Variants in PRR14L observed in about 807,000 individuals in gnomAD.
PRR14L encodes protein PRR14L.
PRR14L carries 80 observed loss-of-function variants against 155.0 expected under a neutral mutation model. The ratio of observed to expected loss-of-function variants is 0.52; its 90% confidence interval spans 0.43 to 0.62. PRR14L has a LOEUF of 0.62. Among genes scored for constraint, PRR14L ranks in the 20% least tolerant of loss-of-function variants. The pLI is 0.00. For missense variants in PRR14L, 2,469 were observed against 2,548.0 expected (o/e 0.97, Z 0.67); for synonymous variants, 883 against 916.0 (o/e 0.96, Z 0.65).
At position 31,724,824 on chromosome 22, in the gene PRR14L, A is replaced by C. The variant is rs1337805305; in HGVS notation, c.547+714T>G. Among the ~76,000 whole-genome samples, 3 of 152,190 alleles carry C rather than the reference A, an allele frequency of 2.0e-5. No individual in the cohort carries two copies. In the East Asian group the frequency reaches 5.8e-4, roughly 29 times the overall value. On this transcript the variant is annotated intron_variant, in intron 3 of 8. Transcript: ENST00000327423. ...TCTTTTGGACCTCAGCTTCCTCCTC[A>C]ATCAGTCAACCAACCTAAAAGTAAT...
intron 2 of PRR14L, among the ~76,000 whole-genome samples, chr22:31,738,005 A>T (rs929428834): frequency 4.6e-5 from 7 of 151,066 alleles, no homozygotes; most frequent in Admixed American, 4.6e-4. Flanking sequence ...ACAGAATGAG[A>T]CCTTCTTAAA....
Position 31,716,019 on chromosome 22 carries a change from G to C in PRR14L, c.1820C>G (p.Pro607Arg). The C allele has an allele frequency of 1.3e-6, 2 of 1,550,656 alleles. No homozygotes were observed. Among genetic ancestry groups the C allele is most frequent in the Non-Finnish European group, 1.7e-6 (2 of 1,146,884 alleles). Residue 607 changes from proline to arginine, a missense_variant, in exon 4 of 9, where the codon CCT becomes CGT. By Grantham distance (103) the Pro-to-Arg change is moderately radical (BLOSUM62 -2). Transcript: ENST00000327423. ...GGTCTGTATAACTTTTTCTGACTCAGGTCTGTAATCAAATTCTGGGGATGG... is the reference window on the plus strand; with the variant it reads ...GGTCTGTATAACTTTTTCTGACTCACGTCTGTAATCAAATTCTGGGGATGG... ...LLPSPEFDYR[P>R]ESEKVIQTSH...
At chr22:31,690,268 C>T (rs985747649) in intron 7 of PRR14L, among the ~76,000 whole-genome samples, 3 of 151,932 alleles carry the variant, frequency 2.0e-5, no homozygotes, top group Admixed American at 6.6e-5. Context: ...AAGATGGTCT[C>T]GAACTCCTGA....
At chr22:31,703,890 CG>C (rs1418163533) in intron 5 of PRR14L, among the ~76,000 whole-genome samples, 169 bp from the exon 6 acceptor site, 1 of 151,844 alleles carries the variant, frequency 6.6e-6, no homozygotes, top group African/African-American at 2.4e-5. Flanking sequence ...CTCTGCCTCC[CG>C]GGTTCAAGCA....
In PRR14L at chr22:31,725,563, G is replaced by C. The variant is rs937084555; in HGVS notation, c.522C>G (p.Leu174=). The change falls in exon 3 of 9, where the codon CTC becomes CTG. Residue 174 remains leucine, a synonymous_variant. Transcript: ENST00000327423. The stretch of plus-strand genomic sequence containing the variant: ...CTTTGCTCCTTAGAAAATCTTCAGG[G>C]AGGTCCACATGTGAAAGTTCTTTGC... ...QSSKELSHVD[L]PEDFLRSKEG... is the part of the protein sequence containing the mutation. 2 of 1,550,980 alleles carry C rather than the reference G, an allele frequency of 1.3e-6. No individual in the cohort carries two copies. The highest frequency in any genetic ancestry group is 1.7e-6 in the Non-Finnish European group (2 of 1,146,384).
chr22:31,716,237 T>C lies in PRR14L; in HGVS notation c.1602A>G (p.Lys534=), dbSNP rs747120067. The C allele has an allele frequency of 1.3e-6, 2 of 1,551,548 alleles. No homozygotes were observed. The highest frequency in any genetic ancestry group is 2.0e-5 in the Admixed American group (1 of 50,986). Residue 534 remains lysine, a synonymous_variant, in exon 4 of 9, where the codon AAA becomes AAG. Coordinates refer to ENST00000327423, the MANE Select transcript of PRR14L (RefSeq NM_173566.3). ...TTPVEPNILS[K]SFYTKDCNSL... ...AGTTACAGTCTTTAGTGTAAAAAGA[T>C]TTACTTAATATATTGGGCTCTACAG...
In PRR14L at chr22:31,685,450, CAAA is replaced by C. The variant is rs33960159; in HGVS notation, c.*74_*76del. The C allele has an allele frequency of 0.012, 13,567 of 1,095,752 alleles. 189 individuals are homozygous for C. The highest frequency in any genetic ancestry group is 0.098 in the African/African-American group (5,783 of 58,926). The allele number at this position is 1,095,752 out of a possible 1,614,324, so 67.9% of individuals were successfully genotyped here. ...TTAGGCAACCTTTTCCAAGGAGGTC[CAAA>C]AAAAAAAAAAAAACCCAAAAACAAA... On this transcript the variant is annotated 3_prime_UTR_variant, in exon 9 of 9. Transcript: ENST00000327423.
Position 31,714,788 on chromosome 22 carries a change from G to C in PRR14L, c.3051C>G (p.Val1017=). ...EVNHNQKDLL[V]SSGSNNSLPC... ...GTAGTGAGTTATTACTGCCTGAGCT[G>C]ACCAGCAGATCCTTTTGGTTGTGGT... The change falls in exon 4 of 9, where the codon GTC becomes GTG. Residue 1017 remains valine (V), a synonymous_variant. Coordinates refer to ENST00000327423, the MANE Select transcript of PRR14L (RefSeq NM_173566.3). 1 of 1,552,260 alleles carries C rather than the reference G, an allele frequency of 6.4e-7. No homozygotes were observed. Among genetic ancestry groups the C allele is most frequent in the Non-Finnish European group, 8.7e-7 (1 of 1,147,126 alleles).
rs188087355 is a variant in PRR14L at position 31,725,720 on chromosome 22, G to A, written c.475-110C>T. On this transcript the variant is annotated intron_variant, in intron 2 of 8. Transcript: ENST00000327423. Reference sequence around the variant, plus strand: ...AGAGTCTTGCTGTTCCCAGACTGAAGTGCAATGGTTAGATCGTGGCTCACT... The same window carrying A: ...AGAGTCTTGCTGTTCCCAGACTGAAATGCAATGGTTAGATCGTGGCTCACT... 234 of 702,406 alleles carry A rather than the reference G, an allele frequency of 3.3e-4. No homozygotes were observed. The African/African-American group carries it at 3.3e-3, about 10-fold the overall frequency. The allele number at this position is 702,406 out of a possible 1,614,324, so 43.5% of individuals were successfully genotyped here. A position where few individuals can be genotyped will look rare whatever the true frequency, so the allele number is the denominator to read the frequency against.
At chr22:31,728,543 G>A (rs2074730136) in intron 2 of PRR14L, among the ~76,000 whole-genome samples, 1 of 151,532 alleles carries the variant, frequency 6.6e-6, no homozygotes, top group Non-Finnish European at 1.5e-5. Flanking sequence ...AACCCAGGAG[G>A]CGGAGGTTGC....
At chr22:31,730,938 TAAGTGTCG>T (rs1266869930) in intron 2 of PRR14L, among the ~76,000 whole-genome samples, 1 of 152,182 alleles carries the variant, frequency 6.6e-6, no homozygotes, top group Non-Finnish European at 1.5e-5. Flanking sequence ...GCTGCAAAAG[TAAGTGTCG>T]AATAATTCAT....
rs1349268406 is a variant in PRR14L, at chr22:31,716,476, T to A, written c.1363A>T (p.Asn455Tyr). The A allele has an allele frequency of 1.3e-6, 2 of 1,550,210 alleles. No homozygotes were observed. Among genetic ancestry groups the A allele is most frequent in the South Asian group, 2.4e-5 (2 of 83,654 alleles). The change falls in exon 4 of 9, where the codon AAC (asparagine) becomes TAC (tyrosine). Residue 455 changes from asparagine (N) to tyrosine (Y), a missense_variant. Physicochemically the swap from Asn to Tyr is moderately radical, Grantham distance 143. Transcript: ENST00000327423. ...GAATTGGGCATTAAAGAACTAGAGT[T>A]CCCTGTATGGAGACTGTCTTGAATG... is the stretch of plus-strand genomic sequence containing the variant. The part of the protein sequence containing the change: ...NCIQDSLHTG[N>Y]SSSLMPNSFT...
chr22:31,701,121 T>A (rs1348145831), intron 7 of PRR14L, among the ~76,000 whole-genome samples: 2 of 151,970 alleles, frequency 1.3e-5, no homozygotes, highest in African/African-American at 4.8e-5. Flanking sequence ...CCCAAGTAGC[T>A]GGGATTATAG....
intron 7 of PRR14L, among the ~76,000 whole-genome samples, chr22:31,689,090 G>A (rs541741330): frequency 1.7e-3 from 262 of 152,272 alleles, no homozygotes; most frequent in Non-Finnish European, 3.3e-3. Flanking sequence ...ATTTTTTAAA[G>A]TATCATTATT....
chr22:31,697,205 G>C (rs1255639938), intron 7 of PRR14L, among the ~76,000 whole-genome samples: 2 of 150,986 alleles, frequency 1.3e-5, no homozygotes, highest in Admixed American at 6.7e-5. Context: ...GGGAGGCTGA[G>C]CCACGAGAAT....
Position 31,715,957 on chromosome 22 carries a change from T to C in PRR14L, c.1882A>G (p.Ile628Val). 3 of 1,551,836 alleles carry C rather than the reference T, an allele frequency of 1.9e-6. No individual in the cohort carries two copies. The highest frequency in any genetic ancestry group is 1.2e-5 in the South Asian group (1 of 84,068). ...GAAAGTTCATTCATCTCACAGGCTATGCTCTGTTCATCTAAAAGTGGAATA... is the reference window on the plus strand; with the variant it reads ...GAAAGTTCATTCATCTCACAGGCTACGCTCTGTTCATCTAAAAGTGGAATA... ...DDIPLLDEQS[I>V]ACEMNELSCT... Residue 628 changes from isoleucine to valine, a missense_variant, in exon 4 of 9, where the codon ATA becomes GTA. Transcript: ENST00000327423.
rs773201416 is a variant in PRR14L, at chr22:31,683,404, A to G, written c.*2123T>C. 6.6e-6 allele frequency: 1 copy of G among 152,236 alleles called. No individual in the cohort carries two copies. The highest frequency in any genetic ancestry group is 1.5e-5 in the Non-Finnish European group (1 of 68,050). 9.4% of individuals were successfully genotyped at this position (152,236 alleles called of 1,614,324 possible). ...GTAGGAGCTCCTTAAACATGCCTGG[A>G]CAAGGGCAAAATGTACTACTCATCC... On this transcript the variant is annotated 3_prime_UTR_variant, in exon 9 of 9. Transcript: ENST00000327423.
intron 4 of PRR14L, among the ~76,000 whole-genome samples, chr22:31,708,220 A>C (rs138065020): frequency 6.6e-6 from 1 of 152,294 alleles, no homozygotes. Context: ...TTTCAATTCT[A>C]GTCAGCAATG....
intron 2 of PRR14L, among the ~76,000 whole-genome samples, chr22:31,727,455 G>A (rs9609354): frequency 2.6e-5 from 4 of 151,376 alleles, no homozygotes; most frequent in Non-Finnish European, 5.9e-5. Flanking sequence ...AGCTGGTCTC[G>A]AACTCCTGAG....
Sources: gnomAD v4.1 joint callset for allele counts (sites outside exome capture counted in the v4.1 genomes callset) on GRCh38, gnomAD v4.1.1 for gene constraint, MANE v1.5 for transcripts, NCBI Gene and HGNC (gene_info 2026-07-23, HGNC 2026-07-21) for gene names.